Variants in PPP2R3A observed in about 807,000 individuals in gnomAD.
The protein encoded by PPP2R3A is protein phosphatase 2 regulatory subunit B''alpha, also known as serine/threonine-protein phosphatase 2A regulatory subunit B'' subunit alpha.
Under a neutral mutation model 106.9 loss-of-function variants are expected in PPP2R3A, and 80 were observed. The observed-to-expected ratio is 0.75, with a 90% CI of 0.62 to 0.90. The LOEUF is 0.90. Among genes scored for constraint, PPP2R3A ranks in the 40% least tolerant of loss-of-function variants. PPP2R3A has a pLI of 0.00. For missense variants in PPP2R3A, 1,386 were observed against 1,350.4 expected (o/e 1.03, Z -0.41); for synonymous variants, 483 against 468.3 (o/e 1.03, Z -0.41).
At chr3:136,016,081 A>G (rs1384220452) in intron 2 of PPP2R3A, among the ~76,000 whole-genome samples, 3 of 152,160 alleles carry the variant, frequency 2.0e-5, no homozygotes, top group South Asian at 2.1e-4. Context: ...TGACTCAACA[A>G]TCATTCAGAA....
At chr3:136,058,259 T>A (rs1935945997) in intron 5 of PPP2R3A, among the ~76,000 whole-genome samples, 1 of 152,128 alleles carries the variant, frequency 6.6e-6, no homozygotes, top group Non-Finnish European at 1.5e-5. Context: ...TGATCCTATA[T>A]TTCAAAAACC....
At chr3:136,132,464 A>G (rs369581634) in intron 13 of PPP2R3A, among the ~76,000 whole-genome samples, 13 of 152,158 alleles carry the variant, frequency 8.5e-5, no homozygotes, top group East Asian at 5.8e-4. Flanking sequence ...CAGTATTTCT[A>G]TATACTAGCA....
intron 13 of PPP2R3A, among the ~76,000 whole-genome samples, chr3:136,134,139 A>G (rs1425506038): frequency 6.6e-6 from 1 of 152,220 alleles, no homozygotes; most frequent in Non-Finnish European, 1.5e-5. Flanking sequence ...ATGGGAAGAC[A>G]GACAGATGCA....
chr3:136,112,583 G>T (rs930051476), intron 13 of PPP2R3A, among the ~76,000 whole-genome samples: 1 of 152,162 alleles, frequency 6.6e-6, no homozygotes, highest in Non-Finnish European at 1.5e-5. Context: ...GGATGTGAAA[G>T]ATCTCTCTAC....
At chr3:136,054,500 G>A (rs1279529962) in intron 5 of PPP2R3A, among the ~76,000 whole-genome samples, 2 of 151,862 alleles carry the variant, frequency 1.3e-5, no homozygotes, top group Admixed American at 6.6e-5. Context: ...CTCGTGATCC[G>A]CCCACCTCGG....
At chr3:136,031,467 G>C (rs1418888966) in intron 3 of PPP2R3A, among the ~76,000 whole-genome samples, 1 of 152,078 alleles carries the variant, frequency 6.6e-6, no homozygotes, top group East Asian at 1.9e-4. Flanking sequence ...CTGTTTACTT[G>C]CTGACTGTTC....
At chr3:136,017,425 A>G (rs1934316195) in intron 2 of PPP2R3A, among the ~76,000 whole-genome samples, 1 of 152,240 alleles carries the variant, frequency 6.6e-6, no homozygotes, top group African/African-American at 2.4e-5. Flanking sequence ...TAGAACTACA[A>G]CATGAGAAGG....
intron 5 of PPP2R3A, among the ~76,000 whole-genome samples, chr3:136,066,660 C>T (rs974947879): frequency 5.9e-5 from 9 of 151,990 alleles, no homozygotes; most frequent in Non-Finnish European, 1.3e-4. Context: ...TCTCACTTGG[C>T]GAGAGCAGGA....
chr3:136,126,331 C>T (rs189112296), intron 13 of PPP2R3A, among the ~76,000 whole-genome samples: 11 of 152,390 alleles, frequency 7.2e-5, no homozygotes, highest in Admixed American at 3.3e-4. Context: ...CCGTGCCTGG[C>T]TCGGCAGGTC....
intron 13 of PPP2R3A, 131 bp downstream of exon 13, chr3:136,106,453 C>T (rs1270072422): frequency 1.4e-6 from 1 of 726,218 alleles, no homozygotes; most frequent in African/African-American, 1.8e-5. Flanking sequence ...ATTTAGCCAA[C>T]TTTAGTTAAA....
At chr3:136,075,616 A>C (rs1323663056) in intron 6 of PPP2R3A, among the ~76,000 whole-genome samples, 1 of 152,228 alleles carries the variant, frequency 6.6e-6, no homozygotes, top group Non-Finnish European at 1.5e-5. Flanking sequence ...GATTTTAAAA[A>C]TTCAAAAAGA....
intron 2 of PPP2R3A, among the ~76,000 whole-genome samples, chr3:136,013,441 A>G (rs1326603042): frequency 6.6e-6 from 1 of 152,136 alleles, no homozygotes; most frequent in Non-Finnish European, 1.5e-5. Context: ...ACTGTTTTCC[A>G]GATTGATTGT....
Position 135,992,523 on chromosome 3 carries a change from G to A in PPP2R3A, c.-440-8536G>A, listed in dbSNP as rs180919048. Among the ~76,000 whole-genome samples, 4 of 152,190 alleles carry A rather than the reference G, an allele frequency of 2.6e-5. No individual in the cohort carries two copies. The South Asian group carries it at 6.2e-4, about 24-fold the overall frequency. ...TTTCCTGAAGTGGAACAAATAAATA[G>A]CAACATAGTATGTGTAACACCGTTC... is the stretch of plus-strand genomic sequence containing the variant. On this transcript the variant is annotated intron_variant, in intron 1 of 13. Coordinates refer to ENST00000264977, the MANE Select transcript of PPP2R3A (RefSeq NM_002718.5).
intron 2 of PPP2R3A, among the ~76,000 whole-genome samples, chr3:136,015,651 A>G (rs965719785): frequency 1.3e-5 from 2 of 151,382 alleles, no homozygotes; most frequent in Non-Finnish European, 1.5e-5. Flanking sequence ...TTGTGGTATC[A>G]GTTGTAATAT....
rs959162024 is a variant in PPP2R3A at position 136,146,379 on chromosome 3, G to T, written c.*1213G>T. 6.6e-6 allele frequency: 1 copy of T among 152,022 alleles called. No homozygotes were observed. The highest frequency in any genetic ancestry group is 2.4e-5 in the African/African-American group (1 of 41,368). 9.4% of individuals were successfully genotyped at this position (152,022 alleles called of 1,614,324 possible). ...CTGTCAGTCATCAACTTTTCCCCTA[G>T]ATTTTTTTTTTAACTAGTTCTGAAA... On this transcript the variant is annotated 3_prime_UTR_variant, in exon 14 of 14. Coordinates refer to ENST00000264977, the MANE Select transcript of PPP2R3A (RefSeq NM_002718.5).
chr3:136,002,477 G>A lies in PPP2R3A; in HGVS notation c.979G>A (p.Gly327Ser), dbSNP rs781168468. Residue 327 changes from glycine (G) to serine (S), a missense_variant, in exon 2 of 14, where the codon GGC becomes AGC. By Grantham distance (56) the Gly-to-Ser change is moderately conservative (BLOSUM62 0). Coordinates refer to ENST00000264977, the MANE Select transcript of PPP2R3A (RefSeq NM_002718.5). ...ACTGACTCCCTTCTCCCCAGTGTTT[G>A]GCACTGAACAACCCCCTAAATATGA... ...LQLTPFSPVFGTEQPPKYEDV... is the reference protein window; with the variant it reads ...LQLTPFSPVFSTEQPPKYEDV... 6 of 1,614,076 alleles carry A rather than the reference G, an allele frequency of 3.7e-6. No individual in the cohort carries two copies. The highest frequency in any genetic ancestry group is 5.1e-6 in the Non-Finnish European group (6 of 1,179,982).
intron 10 of PPP2R3A, among the ~76,000 whole-genome samples, chr3:136,100,229 G>C (rs1177474488): frequency 6.6e-6 from 1 of 152,118 alleles, no homozygotes; most frequent in Admixed American, 6.5e-5. Flanking sequence ...GAGGGAAAAG[G>C]CCAGGCGCAG....
intron 2 of PPP2R3A, among the ~76,000 whole-genome samples, chr3:136,010,052 C>G (rs1933993068): frequency 6.6e-6 from 1 of 152,070 alleles, no homozygotes; most frequent in South Asian, 2.1e-4. Context: ...GTGCCTTTTT[C>G]CCTGTCTTCT....
chr3:136,080,309 A>G (rs949273478), intron 7 of PPP2R3A, among the ~76,000 whole-genome samples: 3 of 152,194 alleles, frequency 2.0e-5, no homozygotes, highest in Non-Finnish European at 4.4e-5. Context: ...GATTTCCTCT[A>G]TTACAGTGAT....
Sources: allele counts gnomAD v4.1 joint callset (sites outside exome capture counted in the v4.1 genomes callset), GRCh38; gene constraint gnomAD v4.1.1; transcripts MANE v1.5; gene names NCBI Gene and HGNC (gene_info 2026-07-23, HGNC 2026-07-21).